The following CSMD3 variants were observed in gnomAD, a reference collection of about 807,000 sequenced individuals.
The protein encoded by CSMD3 is CUB and Sushi multiple domains 3.
CSMD3 carries 177 observed loss-of-function variants against 435.2 expected under a neutral mutation model. The ratio of observed to expected loss-of-function variants is 0.41; its 90% CI spans 0.36 to 0.46. The LOEUF is 0.46. Ranked by LOEUF, CSMD3 falls within the 20% of genes least tolerant of loss-of-function variation. The pLI is 0.34. For synonymous variants in CSMD3, 1,656 were observed against 1,520.5 expected (o/e 1.09, Z -2.07); for missense variants, 4,265 against 4,504.6 (o/e 0.95, Z 1.52).
In CSMD3 at chr8:113,222,995, CTTGT is replaced by C. The variant is rs1347172874; in HGVS notation, c.515-49083_515-49080del. Among the ~76,000 whole-genome samples, 8 of 150,850 alleles carry C rather than the reference CTTGT, an allele frequency of 5.3e-5. No homozygotes were observed. In the East Asian group the frequency reaches 5.8e-4, roughly 11 times the overall value. ...GAACTATTTTTGAGATCATGTTCCT[CTTGT>C]TTATTACTTCCTGAGATATACTTCA... On this transcript the variant is annotated intron_variant, in intron 3 of 70. Coordinates refer to ENST00000297405, the MANE Select transcript of CSMD3 (RefSeq NM_198123.2).
chr8:112,423,861 T>C (rs1273730725), intron 32 of CSMD3, among the ~76,000 whole-genome samples: 1 of 152,172 alleles, frequency 6.6e-6, no homozygotes, highest in East Asian at 1.9e-4. Context: ...TTTATATATA[T>C]ATACATATGT....
At chr8:112,731,399 T>C (rs1269940839) in intron 13 of CSMD3, among the ~76,000 whole-genome samples, 1 of 152,178 alleles carries the variant, frequency 6.6e-6, no homozygotes, top group Admixed American at 6.6e-5. Context: ...ATTAAAATCT[T>C]GGTTTCCTAC....
At chr8:112,884,840 G>T (rs2081546989) in intron 10 of CSMD3, among the ~76,000 whole-genome samples, 2 of 151,656 alleles carry the variant, frequency 1.3e-5, no homozygotes, top group Non-Finnish European at 2.9e-5. Context: ...TATAATAGAT[G>T]ATTGTTTTTA....
At chr8:112,793,352 T>C (rs893853643) in intron 13 of CSMD3, among the ~76,000 whole-genome samples, 2 of 151,698 alleles carry the variant, frequency 1.3e-5, no homozygotes, top group Admixed American at 1.3e-4. Context: ...TGAACATTAA[T>C]TAACTCACAT....
At chr8:112,701,619 T>G (rs188120588) in intron 13 of CSMD3, among the ~76,000 whole-genome samples, 1 of 152,248 alleles carries the variant, frequency 6.6e-6, no homozygotes, top group East Asian at 1.9e-4. Flanking sequence ...TTTTTGTCTC[T>G]ACTCCTTTGG....
At chr8:112,297,398 T>TA (rs1820416281) in intron 53 of CSMD3, among the ~76,000 whole-genome samples, 5 of 152,080 alleles carry the variant, frequency 3.3e-5, no homozygotes, top group Admixed American at 1.3e-4. Flanking sequence ...CATGATTATC[T>TA]GGGATTTATC....
chr8:113,329,135 C>T (rs965172789), intron 1 of CSMD3, among the ~76,000 whole-genome samples: 6 of 150,802 alleles, frequency 4.0e-5, no homozygotes, highest in African/African-American at 9.8e-5. Context: ...AAACTATTTT[C>T]GAAGTTCAGA....
At chr8:112,696,361 T>G (rs2076255787) in intron 13 of CSMD3, among the ~76,000 whole-genome samples, 1 of 152,190 alleles carries the variant, frequency 6.6e-6, no homozygotes, top group South Asian at 2.1e-4. Flanking sequence ...AGCATGGTAC[T>G]GGTACCAAAA....
intron 38 of CSMD3, among the ~76,000 whole-genome samples, chr8:112,375,950 G>A (rs10955620): frequency 0.18 from 27,936 of 151,964 alleles, 3,076 homozygotes; most frequent in Middle Eastern, 0.35. Context: ...ATACCAACCC[G>A]ACTGAAATAG....
chr8:113,173,659 A>G, intron 4 of CSMD3, 63 bp downstream of exon 4: 1 of 1,320,308 alleles, frequency 7.6e-7, no homozygotes, highest in South Asian at 1.2e-5. Context: ...AACAGGCACC[A>G]AACACATTTT....
At chr8:112,405,662 A>G (rs758163477) in intron 35 of CSMD3, among the ~76,000 whole-genome samples, 5 of 151,954 alleles carry the variant, frequency 3.3e-5, no homozygotes, top group Non-Finnish European at 7.4e-5. Flanking sequence ...TCAAAATGTT[A>G]CCACCAATAT....
chr8:112,388,817 G>A (rs1288831583), intron 36 of CSMD3, among the ~76,000 whole-genome samples: 1 of 152,126 alleles, frequency 6.6e-6, no homozygotes, highest in Non-Finnish European at 1.5e-5. Context: ...AGTAGCTGAA[G>A]CCATGGAATT....
At position 113,301,140 on chromosome 8, in the gene CSMD3, C is replaced by T. The variant is rs377150634; in HGVS notation, c.401+13431G>A. 2.6e-5 allele frequency among the ~76,000 whole-genome samples: 4 copies of T among 151,974 alleles called. No individual in the cohort carries two copies. The South Asian group carries it at 8.3e-4, about 32-fold the overall frequency. On this transcript the variant is annotated intron_variant, in intron 2 of 70. Coordinates refer to ENST00000297405, the MANE Select transcript of CSMD3 (RefSeq NM_198123.2). ...TAAAAATGACCACAACATGGAGGTG[C>T]TTGTTACTGGTAGGGTGAAGTCAGA... is the stretch of plus-strand genomic sequence containing the variant.
intron 4 of CSMD3, among the ~76,000 whole-genome samples, chr8:113,159,441 A>T (rs759068081): frequency 6.6e-6 from 1 of 151,902 alleles, no homozygotes; most frequent in Non-Finnish European, 1.5e-5. Flanking sequence ...AATAGCAATT[A>T]TGGGAAAAAA....
chr8:112,880,151 G>T (rs778501897), intron 10 of CSMD3, among the ~76,000 whole-genome samples: 1 of 151,952 alleles, frequency 6.6e-6, no homozygotes, highest in African/African-American at 2.4e-5. Flanking sequence ...CAATAAAAAG[G>T]CAACTTATCA....
chr8:112,285,709 T>C (rs1363071949), intron 58 of CSMD3, among the ~76,000 whole-genome samples: 2 of 152,092 alleles, frequency 1.3e-5, no homozygotes, highest in East Asian at 3.9e-4. Context: ...AAAATATTTT[T>C]CTTTTTCCTT....
intron 3 of CSMD3, among the ~76,000 whole-genome samples, chr8:113,271,354 A>C (rs1328277809): frequency 2.0e-5 from 3 of 152,066 alleles, no homozygotes; most frequent in African/African-American, 4.8e-5. Flanking sequence ...CTGGAAGCCT[A>C]GGAGAAAAAA....
chr8:113,002,864 A>T (rs1008663876), intron 6 of CSMD3, among the ~76,000 whole-genome samples: 1 of 152,154 alleles, frequency 6.6e-6, no homozygotes, highest in African/African-American at 2.4e-5. Flanking sequence ...CAAAACAGTT[A>T]AATAAATATA....
intron 6 of CSMD3, among the ~76,000 whole-genome samples, chr8:112,980,377 T>C (rs899261202): frequency 6.6e-6 from 1 of 151,412 alleles, no homozygotes; most frequent in African/African-American, 2.4e-5. Flanking sequence ...TAATATATTC[T>C]GTTCCTTCCT....
Sources: allele counts gnomAD v4.1 joint callset (sites outside exome capture counted in the v4.1 genomes callset), GRCh38; gene constraint gnomAD v4.1.1; transcripts MANE v1.5; gene names NCBI Gene and HGNC (gene_info 2026-07-23, HGNC 2026-07-21).